The following PTPN13 variants were observed in gnomAD, a reference collection of about 807,000 sequenced individuals.
PTPN13 encodes tyrosine-protein phosphatase non-receptor type 13.
PTPN13 carries 191 observed loss-of-function variants against 284.0 expected under a neutral mutation model. The observed-to-expected ratio is 0.67, with a 90% CI of 0.60 to 0.76. PTPN13 has a LOEUF of 0.76. Ranked by LOEUF, PTPN13 falls within the 30% of genes least tolerant of loss-of-function variation. The pLI, the probability that PTPN13 is intolerant of heterozygous loss-of-function variation, is 0.00. For missense variants in PTPN13, 2,797 were observed against 2,939.9 expected (o/e 0.95, Z 1.12); for synonymous variants, 986 against 1,022.3 (o/e 0.96, Z 0.68).
chr4:86,658,717 G>C (rs968073932), intron 2 of PTPN13, among the ~76,000 whole-genome samples: 4 of 152,076 alleles, frequency 2.6e-5, no homozygotes, highest in Non-Finnish European at 5.9e-5. Flanking sequence ...ATAGGAAACA[G>C]AACAATTAAT....
chr4:86,749,577 T>C (rs1737158015), intron 17 of PTPN13, among the ~76,000 whole-genome samples: 1 of 152,200 alleles, frequency 6.6e-6, no homozygotes, highest in African/African-American at 2.4e-5. Flanking sequence ...GTTATTAGCC[T>C]CAAATATTAA....
In PTPN13 at chr4:86,758,277, T is replaced by C; in HGVS notation, c.3241T>C (p.Trp1081Arg). 1 of 1,609,474 alleles carries C rather than the reference T, an allele frequency of 6.2e-7. No individual in the cohort carries two copies. Among genetic ancestry groups the C allele is most frequent in the Non-Finnish European group, 8.5e-7 (1 of 1,176,992 alleles). The change falls in exon 21 of 48, where the codon TGG becomes CGG. Residue 1081 changes from tryptophan (W) to arginine (R), a missense_variant. Physicochemically the swap from Trp to Arg is moderately radical, Grantham distance 101. Coordinates refer to ENST00000411767, the MANE Select transcript of PTPN13 (RefSeq NM_080683.3). ...CCCAATAGATGTGCTACACAAAAGA[T>C]GGAGCATAGTATCTTCACCAGAAAG... ...LKENDVLHKRWSIVSSPEREI... is the reference protein window; with the variant it reads ...LKENDVLHKRRSIVSSPEREI...
intron 10 of PTPN13, among the ~76,000 whole-genome samples, chr4:86,730,886 C>T (rs553874713): frequency 2.6e-4 from 40 of 152,288 alleles, no homozygotes; most frequent in South Asian, 2.1e-4. Context: ...TCTTCTGTGT[C>T]GATCACACTG....
intron 40 of PTPN13, among the ~76,000 whole-genome samples, chr4:86,794,098 GC>G (rs749845217): frequency 7.8e-4 from 119 of 151,966 alleles, no homozygotes; most frequent in Non-Finnish European, 1.5e-3. Context: ...TAGACTGCTA[GC>G]AAAAAGTCAA....
chr4:86,683,674 G>T (rs1018316379), intron 3 of PTPN13, among the ~76,000 whole-genome samples: 3 of 152,106 alleles, frequency 2.0e-5, no homozygotes, highest in Non-Finnish European at 4.4e-5. Flanking sequence ...ACTATTATAT[G>T]ATATATATAG....
intron 2 of PTPN13, among the ~76,000 whole-genome samples, chr4:86,638,402 G>A (rs1244013764): frequency 6.6e-6 from 1 of 152,162 alleles, no homozygotes; most frequent in Admixed American, 6.5e-5. Flanking sequence ...CAAAGCTGGA[G>A]GCATCACGCT....
Position 86,734,749 on chromosome 4 carries a change from G to A in PTPN13, c.2025G>A (p.Thr675=), listed in dbSNP as rs373220144. The A allele has an allele frequency of 1.3e-5, 21 of 1,610,780 alleles. No individual in the cohort carries two copies. The highest frequency in any genetic ancestry group is 1.7e-5 in the Admixed American group (1 of 59,928). Residue 675 remains threonine, a synonymous_variant, in exon 14 of 48, where the codon ACG becomes ACA. Transcript: ENST00000411767. ...TTTGTTTTTTCAGACATACTCTGACGTGTCATCAGTATTACCTTCAGCTTC... is the reference window on the plus strand; with the variant it reads ...TTTGTTTTTTCAGACATACTCTGACATGTCATCAGTATTACCTTCAGCTTC... ...DDVSLIQHTL[T]CHQYYLQLRK...
At chr4:86,667,739 C>T (rs879847610) in intron 2 of PTPN13, among the ~76,000 whole-genome samples, 1 of 152,112 alleles carries the variant, frequency 6.6e-6, no homozygotes, top group African/African-American at 2.4e-5. Context: ...CCTAATAGAA[C>T]GTATAAAATA....
intron 1 of PTPN13, among the ~76,000 whole-genome samples, chr4:86,625,262 A>G (rs1266599956): frequency 1.3e-5 from 2 of 152,102 alleles, no homozygotes; most frequent in African/African-American, 4.8e-5. Context: ...GATAGTCTAC[A>G]GAATTTGAAT....
At chr4:86,662,230 CA>C (rs1288862485) in intron 2 of PTPN13, among the ~76,000 whole-genome samples, 1 of 152,166 alleles carries the variant, frequency 6.6e-6, no homozygotes, top group East Asian at 1.9e-4. Context: ...ACAATAAGAT[CA>C]AGTTTTTAAA....
intron 2 of PTPN13, among the ~76,000 whole-genome samples, chr4:86,670,398 G>T (rs1727605989): frequency 6.6e-6 from 1 of 151,260 alleles, no homozygotes. Flanking sequence ...TCAGCAGCCT[G>T]CACTATTTTA....
chr4:86,746,718 C>G (rs896656249), intron 17 of PTPN13, among the ~76,000 whole-genome samples: 16 of 152,150 alleles, frequency 1.1e-4, no homozygotes, highest in African/African-American at 3.1e-4. Context: ...CTGCAACATT[C>G]GCCTTCTGGT....
rs1294356578 is a variant in PTPN13 at position 86,750,577 on chromosome 4, C to A, written c.2758C>A (p.Leu920Ile). 6.2e-7 allele frequency: 1 copy of A among 1,613,958 alleles called. No individual in the cohort carries two copies. Among genetic ancestry groups the A allele is most frequent in the Admixed American group, 1.7e-5 (1 of 60,022 alleles). Reference sequence around the variant, plus strand: ...TCTGGCCAGCAGCACCCTCAACAAACTTGCTGTTCGACCTTTATCAGTTCA... The same window carrying A: ...TCTGGCCAGCAGCACCCTCAACAAAATTGCTGTTCGACCTTTATCAGTTCA... ...GSLASSTLNK[L>I]AVRPLSVQAE... Residue 920 changes from leucine (L) to isoleucine (I), a missense_variant, in exon 18 of 48, where the codon CTT (leucine) becomes ATT (isoleucine). Leu to Ile is a conservative substitution (Grantham distance 5). Coordinates refer to ENST00000411767, the MANE Select transcript of PTPN13 (RefSeq NM_080683.3).
intron 3 of PTPN13, among the ~76,000 whole-genome samples, chr4:86,675,987 C>G (rs1012633235): frequency 6.6e-6 from 1 of 152,164 alleles, no homozygotes; most frequent in Admixed American, 6.5e-5. Flanking sequence ...AATTATTGCT[C>G]TCTGTGCTTT....
At chr4:86,627,289 G>T (rs1358701724) in intron 1 of PTPN13, among the ~76,000 whole-genome samples, 4 of 151,458 alleles carry the variant, frequency 2.6e-5, no homozygotes, top group Non-Finnish European at 2.9e-5. Context: ...CTTAAAAATG[G>T]GTTAAAATAG....
chr4:86,780,485 T>G lies in PTPN13; in HGVS notation c.5962+13T>G. On this transcript the variant is annotated intron_variant, in intron 36 of 47. Transcript: ENST00000411767. The stretch of plus-strand genomic sequence containing the variant: ...ACCAAAGGCAATGGTAAGGATATAT[T>G]CATTTTACTGTACTCTCCTACGGTA... 1 of 1,547,908 alleles carries G rather than the reference T, an allele frequency of 6.5e-7. No homozygotes were observed. The highest frequency in any genetic ancestry group is 8.9e-7 in the Non-Finnish European group (1 of 1,122,702).
chr4:86,722,310 C>T lies in PTPN13; in HGVS notation c.1484C>T (p.Ala495Val), dbSNP rs765789983. 1 of 1,613,510 alleles carries T rather than the reference C, an allele frequency of 6.2e-7. No individual in the cohort carries two copies. The highest frequency in any genetic ancestry group is 8.5e-7 in the Non-Finnish European group (1 of 1,179,708). ...EELMQLQAKMALRQSRLSLYP... is the reference protein window; with the variant it reads ...EELMQLQAKMVLRQSRLSLYP... The stretch of plus-strand genomic sequence containing the variant: ...CTGATGCAGCTACAAGCCAAAATGG[C>T]CCTTAGACAGTCTCGGTTGAGCCTA... Residue 495 changes from alanine to valine, a missense_variant, in exon 10 of 48, where the codon GCC becomes GTC. Coordinates refer to ENST00000411767, the MANE Select transcript of PTPN13 (RefSeq NM_080683.3).
At chr4:86,642,784 C>G (rs2148765932) in intron 2 of PTPN13, among the ~76,000 whole-genome samples, 1 of 152,068 alleles carries the variant, frequency 6.6e-6, no homozygotes, top group East Asian at 1.9e-4. Context: ...ATTGAGAATC[C>G]TAGCTTATGT....
In PTPN13 at chr4:86,775,487, A is replaced by G. The variant is rs776345212; in HGVS notation, c.5726A>G (p.Tyr1909Cys). 2 of 1,609,594 alleles carry G rather than the reference A, an allele frequency of 1.2e-6. No individual in the cohort carries two copies. The highest frequency in any genetic ancestry group is 1.3e-5 in the African/African-American group (1 of 74,808). ...GGHDSLYQVV[Y>C]ISDINPRSVA... is the part of the protein sequence containing the mutation. ...CATGACAGCCTTTATCAAGTGGTAT[A>G]TATTAGTGATATTAATCCAAGGTCC... The change falls in exon 35 of 48, where the codon TAT becomes TGT. Residue 1909 changes from tyrosine to cysteine, a missense_variant. Physicochemically the swap from Tyr to Cys is radical, Grantham distance 194. Coordinates refer to ENST00000411767, the MANE Select transcript of PTPN13 (RefSeq NM_080683.3).
Sources: gnomAD v4.1 joint callset for allele counts (sites outside exome capture counted in the v4.1 genomes callset) on GRCh38, gnomAD v4.1.1 for gene constraint, MANE v1.5 for transcripts, NCBI Gene and HGNC (gene_info 2026-07-23, HGNC 2026-07-21) for gene names.